The following FSTL5 variants were observed in gnomAD, a reference collection of about 807,000 sequenced individuals.
FSTL5 encodes follistatin like 5.
A neutral mutation model predicts 89.1 loss-of-function variants in FSTL5; 62 were observed. The ratio of observed to expected loss-of-function variants is 0.70; its 90% CI spans 0.57 to 0.86. FSTL5 has a LOEUF of 0.86. Among genes scored for constraint, FSTL5 ranks in the 40% least tolerant of loss-of-function variants. The pLI is 0.00. For missense variants in FSTL5, 1,057 were observed against 1,001.6 expected (o/e 1.06, Z -0.75); for synonymous variants, 383 against 346.2 (o/e 1.11, Z -1.18).
chr4:161,424,013 C>T (rs921722815), intron 15 of FSTL5, among the ~76,000 whole-genome samples: 22 of 145,216 alleles, frequency 1.5e-4, no homozygotes, highest in Admixed American at 6.3e-4. Context: ...CCTGCCAGCA[C>T]GCCCATCATT....
intron 4 of FSTL5, among the ~76,000 whole-genome samples, chr4:161,849,469 C>G (rs1731481989): frequency 6.6e-6 from 1 of 151,758 alleles, no homozygotes; most frequent in Non-Finnish European, 1.5e-5. Flanking sequence ...TGCTACTACA[C>G]TACATATGGT....
chr4:161,718,060 C>A (rs1739054337), intron 6 of FSTL5, among the ~76,000 whole-genome samples: 1 of 152,040 alleles, frequency 6.6e-6, no homozygotes, highest in Non-Finnish European at 1.5e-5. Context: ...TAAAATTCAA[C>A]TGGTATACTT....
rs1731992900 is a variant in FSTL5 at position 162,124,530 on chromosome 4, C to T, written c.-16-13118G>A. 2.6e-5 allele frequency among the ~76,000 whole-genome samples: 4 copies of T among 152,118 alleles called. No homozygotes were observed. The South Asian group carries it at 8.3e-4, about 32-fold the overall frequency. On this transcript the variant is annotated intron_variant, in intron 1 of 15. Transcript: ENST00000306100. ...TTCTTAAAGGACTAGAACCGGAAAG[C>T]ATAATGGCTTCTTCTGGGCAGAGGA...
intron 3 of FSTL5, among the ~76,000 whole-genome samples, chr4:161,922,832 AT>A (rs5863500): frequency 0.63 from 96,084 of 151,644 alleles, 30,526 homozygotes; most frequent in Middle Eastern, 0.72. Context: ...AATATAGTTG[AT>A]TTAGCAAGGT....
intron 1 of FSTL5, among the ~76,000 whole-genome samples, chr4:162,151,557 C>T (rs1733226044): frequency 6.6e-6 from 1 of 152,162 alleles, no homozygotes; most frequent in Non-Finnish European, 1.5e-5. Flanking sequence ...TTTAAGCCTG[C>T]TGGTGCTTTA....
At chr4:161,458,834 T>C (rs1733457518) in intron 14 of FSTL5, among the ~76,000 whole-genome samples, 2 of 152,218 alleles carry the variant, frequency 1.3e-5, no homozygotes, top group Non-Finnish European at 2.9e-5. Flanking sequence ...TAACAGAATA[T>C]TATCTGATTA....
At chr4:161,905,586 A>C (rs141866317) in intron 4 of FSTL5, among the ~76,000 whole-genome samples, 1 of 152,284 alleles carries the variant, frequency 6.6e-6, no homozygotes, top group East Asian at 1.9e-4. Context: ...GTTGATGTGA[A>C]GACTCTGGGG....
chr4:161,653,263 C>T (rs1470043959), intron 7 of FSTL5, among the ~76,000 whole-genome samples: 2 of 152,076 alleles, frequency 1.3e-5, no homozygotes, highest in African/African-American at 2.4e-5. Context: ...ATTGGAGACC[C>T]CATTGTAGCT....
intron 7 of FSTL5, among the ~76,000 whole-genome samples, chr4:161,642,135 A>G (rs1735987847): frequency 6.6e-6 from 1 of 152,186 alleles, no homozygotes; most frequent in African/African-American, 2.4e-5. Context: ...CAATCAAGTT[A>G]ACTAACATAT....
chr4:161,909,564 A>C (rs990077843), intron 4 of FSTL5, among the ~76,000 whole-genome samples: 1 of 152,046 alleles, frequency 6.6e-6, no homozygotes, highest in African/African-American at 2.4e-5. Context: ...CTCTCCTAAA[A>C]TTTCCCAAAC....
chr4:161,775,348 T>C (rs2217768), intron 5 of FSTL5, among the ~76,000 whole-genome samples: 79,439 of 152,002 alleles, frequency 0.52, 24,883 homozygotes, highest in Non-Finnish European at 0.7. Flanking sequence ...AGAAATCCCA[T>C]GTCTCTTATT....
rs186206184 is a variant in FSTL5, at chr4:162,147,750, C to T, written c.-17+15865G>A. On this transcript the variant is annotated intron_variant, in intron 1 of 15. Coordinates refer to ENST00000306100, the MANE Select transcript of FSTL5 (RefSeq NM_020116.5). ...TGTTTGGGCCAGGAGCGGTGGCTCACGCCTGTAATCACAGCGCTTTGGGTG... is the reference window on the plus strand; with the variant it reads ...TGTTTGGGCCAGGAGCGGTGGCTCATGCCTGTAATCACAGCGCTTTGGGTG... Among the ~76,000 whole-genome samples, 579 of 152,242 alleles carry T rather than the reference C, an allele frequency of 3.8e-3. 1 individual carries two copies. The highest frequency in any genetic ancestry group is 7.2e-3 in the Non-Finnish European group (488 of 68,004).
At chr4:162,122,085 TG>T (rs1178135503) in intron 1 of FSTL5, among the ~76,000 whole-genome samples, 3 of 152,006 alleles carry the variant, frequency 2.0e-5, no homozygotes, top group Non-Finnish European at 2.9e-5. Context: ...TAGTTAAGTT[TG>T]GGGGGAGTCA....
chr4:162,091,603 C>T (rs1339907579), intron 2 of FSTL5, among the ~76,000 whole-genome samples: 1 of 152,078 alleles, frequency 6.6e-6, no homozygotes, highest in Non-Finnish European at 1.5e-5. Context: ...ATTCTTATTA[C>T]TTATTGGAGT....
intron 4 of FSTL5, among the ~76,000 whole-genome samples, chr4:161,797,623 C>G (rs758917728): frequency 1.6e-4 from 24 of 151,288 alleles, no homozygotes; most frequent in Non-Finnish European, 2.7e-4. Flanking sequence ...GTACATGAAC[C>G]ACTATTAAAA....
At chr4:161,588,595 A>G (rs1189788819) in intron 7 of FSTL5, among the ~76,000 whole-genome samples, 1 of 152,202 alleles carries the variant, frequency 6.6e-6, no homozygotes, top group South Asian at 2.1e-4. Flanking sequence ...GGTAATGACT[A>G]TTCTGGCAAA....
intron 4 of FSTL5, among the ~76,000 whole-genome samples, chr4:161,844,375 C>T (rs888478164): frequency 9.2e-5 from 14 of 152,050 alleles, no homozygotes; most frequent in African/African-American, 1.4e-4. Context: ...GACCGTGTGG[C>T]AATTCCTCAA....
Position 161,534,134 on chromosome 4 carries a change from G to A in FSTL5, c.1312+4032C>T, listed in dbSNP as rs181970082. On this transcript the variant is annotated intron_variant, in intron 10 of 15. Coordinates refer to ENST00000306100, the MANE Select transcript of FSTL5 (RefSeq NM_020116.5). ...CCACAGCCAACATCATACTGAATGC[G>A]CAAAAGCTGGAAGTATTTCTCTTGA... 4.4e-3 allele frequency among the ~76,000 whole-genome samples: 674 copies of A among 152,148 alleles called. 3 individuals carry two copies. The highest frequency in any genetic ancestry group is 0.015 in the African/African-American group (633 of 41,528).
intron 7 of FSTL5, among the ~76,000 whole-genome samples, chr4:161,625,545 C>CT (rs1735287830): frequency 6.6e-6 from 1 of 152,100 alleles, no homozygotes; most frequent in South Asian, 2.1e-4. Context: ...AATACTTCAT[C>CT]TCTCTCACTA....
Sources: allele counts gnomAD v4.1 joint callset (sites outside exome capture counted in the v4.1 genomes callset), GRCh38; gene constraint gnomAD v4.1.1; transcripts MANE v1.5; gene names NCBI Gene and HGNC (gene_info 2026-07-23, HGNC 2026-07-21).